CAST: variants seen among roughly 807,000 people sequenced by gnomAD.
CAST encodes the protein calpastatin.
A neutral mutation model predicts 119.6 loss-of-function variants in CAST; 76 were observed. The observed-to-expected ratio is 0.64, with a 90% CI of 0.53 to 0.77. The LOEUF is 0.77. Among genes scored for constraint, CAST ranks in the 30% least tolerant of loss-of-function variants. CAST has a pLI of 0.00. For missense variants in CAST, 953 were observed against 946.5 expected (o/e 1.01, Z -0.09); for synonymous variants, 319 against 331.6 (o/e 0.96, Z 0.41).
the CAST span, among the ~76,000 whole-genome samples, chr5:96,258,308 A>G: frequency 6.6e-6 from 1 of 152,140 alleles, no homozygotes; most frequent in Non-Finnish European, 1.5e-5. Flanking sequence ...GGTCTAAGCT[A>G]TGCCTCCTCT....
At chr5:96,461,417 T>C in the CAST span, among the ~76,000 whole-genome samples, 4 of 152,142 alleles carry the variant, frequency 2.6e-5, no homozygotes, top group Non-Finnish European at 4.4e-5. Context: ...TATTTAACTT[T>C]TTGAGGAATT....
chr5:96,495,010 C>T, the CAST span, among the ~76,000 whole-genome samples: 34 of 150,606 alleles, frequency 2.3e-4, no homozygotes, highest in African/African-American at 6.9e-4. Context: ...CTCAGCTACT[C>T]GGGAAGCTGA....
chr5:96,202,978 A>C, the CAST span, among the ~76,000 whole-genome samples: 1 of 152,022 alleles, frequency 6.6e-6, no homozygotes, highest in Non-Finnish European at 1.5e-5. Flanking sequence ...AGTTCATATA[A>C]AATTTCTACA....
chr5:96,289,949 A>C, the CAST span, among the ~76,000 whole-genome samples: 8 of 151,654 alleles, frequency 5.3e-5, no homozygotes, highest in East Asian at 1.9e-4. Context: ...TTTAAAAAAA[A>C]CAGAATTGAC....
At chr5:96,578,174 T>C (rs185754663) in intron 1 of CAST, among the ~76,000 whole-genome samples, 3 of 152,292 alleles carry the variant, frequency 2.0e-5, no homozygotes, top group Non-Finnish European at 4.4e-5. Flanking sequence ...CATTATGTAA[T>C]GTCTCTCTTT....
At chr5:96,276,187 C>T in the CAST span, among the ~76,000 whole-genome samples, 1 of 152,146 alleles carries the variant, frequency 6.6e-6, no homozygotes, top group Non-Finnish European at 1.5e-5. Context: ...GCCTGATTTT[C>T]TCCCTCTCCT....
chr5:96,327,360 G>A, the CAST span, among the ~76,000 whole-genome samples: 1 of 152,132 alleles, frequency 6.6e-6, no homozygotes, highest in Non-Finnish European at 1.5e-5. Flanking sequence ...TGATCCCCAA[G>A]GGATTCCTCC....
At chr5:96,543,933 C>G (rs1314348401) in intron 1 of CAST, among the ~76,000 whole-genome samples, 1 of 152,128 alleles carries the variant, frequency 6.6e-6, no homozygotes, top group Non-Finnish European at 1.5e-5. Context: ...TATTCTTTTG[C>G]CAGTACCCAA....
intron 2 of CAST, among the ~76,000 whole-genome samples, chr5:96,692,500 A>G (rs148924737): frequency 6.6e-6 from 1 of 152,190 alleles, no homozygotes; most frequent in African/African-American, 2.4e-5. Context: ...CATACCATAC[A>G]TGCCTGTACC....
chr5:96,039,305 T>C, the CAST span, among the ~76,000 whole-genome samples: 1 of 152,240 alleles, frequency 6.6e-6, no homozygotes, highest in Non-Finnish European at 1.5e-5. Context: ...TGCAAAAATT[T>C]TCTCCCATTC....
chr5:96,380,703 T>C, the CAST span, among the ~76,000 whole-genome samples: 8,538 of 152,276 alleles, frequency 0.056, 738 homozygotes, highest in African/African-American at 0.19. Context: ...ATGAGGTTGA[T>C]GGTTTCTTAA....
the CAST span, chr5:96,400,158 G>A: frequency 6.2e-7 from 1 of 1,613,882 alleles, no homozygotes; most frequent in East Asian, 2.2e-5. Context: ...ACAACCAGGT[G>A]CTGCATATCT....
At chr5:95,981,830 G>A in the CAST span, among the ~76,000 whole-genome samples, 2 of 151,998 alleles carry the variant, frequency 1.3e-5, no homozygotes, top group African/African-American at 2.4e-5. Flanking sequence ...AGCCGACATC[G>A]CACCACTGCA....
chr5:96,337,442 T>C, the CAST span, among the ~76,000 whole-genome samples: 1 of 152,228 alleles, frequency 6.6e-6, no homozygotes, highest in Non-Finnish European at 1.5e-5. Flanking sequence ...ACATTGAACT[T>C]CATAGTACAC....
the CAST span, among the ~76,000 whole-genome samples, chr5:96,502,632 CTTT>C: frequency 6.7e-6 from 1 of 149,618 alleles, no homozygotes; most frequent in Non-Finnish European, 1.5e-5. Flanking sequence ...TTCTTTCTTT[CTTT>C]CTTTCTTTCT....
At chr5:96,491,469 G>T in the CAST span, among the ~76,000 whole-genome samples, 5 of 128,140 alleles carry the variant, frequency 3.9e-5, 1 homozygote, top group Non-Finnish European at 8.1e-5. Context: ...CCAGCCTGGG[G>T]GACAGAGCGA....
rs1295498250 is a variant in CAST at position 96,774,428 on chromosome 5, A to G, written c.*1812A>G. The G allele has an allele frequency of 3.7e-6, 3 of 804,846 alleles. No homozygotes were observed. Among genetic ancestry groups the G allele is most frequent in the Non-Finnish European group, 4.5e-6 (3 of 663,108 alleles). 49.9% of individuals were successfully genotyped at this position (804,846 alleles called of 1,614,324 possible). ...ATAACTGGAGTAAGCTACAGGATCT[A>G]AAGCAGCCCTTTTTACAGTCTAGTT... On this transcript the variant is annotated 3_prime_UTR_variant, in exon 32 of 32. Transcript: ENST00000675179.
rs78143559 is a variant in CAST, at chr5:96,586,222, A to C, written c.60+56342A>C. 1.9e-4 allele frequency among the ~76,000 whole-genome samples: 29 copies of C among 152,338 alleles called. No individual in the cohort carries two copies. In the South Asian group the frequency reaches 5.6e-3, roughly 29 times the overall value. On this transcript the variant is annotated intron_variant, in intron 1 of 11. Transcript: ENST00000505143. Reference sequence around the variant, plus strand: ...AGCACTAGCTCTTTGAGGGTCAATAAGGTGAAAAGTTAGTAACTACTTGTG... The same window carrying C: ...AGCACTAGCTCTTTGAGGGTCAATACGGTGAAAAGTTAGTAACTACTTGTG...
At chr5:96,382,464 T>C in the CAST span, among the ~76,000 whole-genome samples, 1 of 152,206 alleles carries the variant, frequency 6.6e-6, no homozygotes, top group African/African-American at 2.4e-5. Context: ...TCAGCTATTA[T>C]TCTTCTCTGC....
Sources: allele counts gnomAD v4.1 joint callset (sites outside exome capture counted in the v4.1 genomes callset), GRCh38; gene constraint gnomAD v4.1.1; transcripts MANE v1.5; gene names NCBI Gene and HGNC (gene_info 2026-07-23, HGNC 2026-07-21).